The following ESRRG variants were observed in gnomAD, a reference collection of about 807,000 sequenced individuals.
ESRRG encodes the protein estrogen related receptor gamma, also known as estrogen-related receptor gamma.
Under a neutral mutation model 44.0 loss-of-function variants are expected in ESRRG, and 13 were observed. That is an observed-to-expected ratio of 0.30 (90% CI 0.19 to 0.47). ESRRG has a LOEUF of 0.47. Ranked by LOEUF, ESRRG falls within the 20% of genes least tolerant of loss-of-function variation. The pLI, the probability that ESRRG is intolerant of heterozygous loss-of-function variation, is 1.00. For missense variants in ESRRG, 395 were observed against 580.6 expected, an observed-to-expected ratio of 0.68 and a Z score of 3.29; for synonymous variants, 215 against 214.6, an observed-to-expected ratio of 1.00 and a Z score of -0.02.
At chr1:216,810,199 C>T (rs1422749382) in intron 2 of ESRRG, among the ~76,000 whole-genome samples, 5 of 152,280 alleles carry the variant, frequency 3.3e-5, no homozygotes, top group Non-Finnish European at 7.3e-5. Flanking sequence ...TTCCCCACAC[C>T]TGCACCAGAC....
At chr1:216,856,358 C>CACACACAA (rs1377877890) in intron 2 of ESRRG, among the ~76,000 whole-genome samples, 1 of 147,552 alleles carries the variant, frequency 6.8e-6, no homozygotes, top group Non-Finnish European at 1.5e-5. Context: ...CTTCAACACA[C>CACACACAA]ACACACACAC....
chr1:216,939,035 A>G (rs1437639861), intron 2 of ESRRG, among the ~76,000 whole-genome samples: 1 of 152,186 alleles, frequency 6.6e-6, no homozygotes, highest in Non-Finnish European at 1.5e-5. Context: ...TATCTCTAGA[A>G]AGAAATGGGT....
intron 1 of ESRRG, among the ~76,000 whole-genome samples, chr1:217,060,639 C>T (rs2088176392): frequency 1.3e-5 from 2 of 152,006 alleles, no homozygotes; most frequent in South Asian, 4.1e-4. Flanking sequence ...TAATAGAAAT[C>T]CACTCACTGT....
At chr1:216,820,418 CAT>C (rs1394711040) in intron 2 of ESRRG, among the ~76,000 whole-genome samples, 2 of 152,200 alleles carry the variant, frequency 1.3e-5, no homozygotes, top group Non-Finnish European at 2.9e-5. Flanking sequence ...AAAAATCAAA[CAT>C]AATGTCTTTG....
At chr1:216,733,277 G>T (rs1007534316) in intron 2 of ESRRG, among the ~76,000 whole-genome samples, 1 of 149,020 alleles carries the variant, frequency 6.7e-6, no homozygotes, top group African/African-American at 2.5e-5. Flanking sequence ...ACACTACCAG[G>T]TGCTTTGGGG....
intron 2 of ESRRG, among the ~76,000 whole-genome samples, chr1:216,817,682 T>C (rs2095181538): frequency 6.6e-6 from 1 of 152,212 alleles, no homozygotes; most frequent in Non-Finnish European, 1.5e-5. Context: ...ATATTCATCA[T>C]CCTGAAATAT....
chr1:216,665,022 T>C (rs1172149689), intron 2 of ESRRG, among the ~76,000 whole-genome samples: 1 of 152,214 alleles, frequency 6.6e-6, no homozygotes. Context: ...GGTCTATCCA[T>C]ACAGTGGAAT....
chr1:216,740,546 C>CA (rs1183199054), intron 2 of ESRRG, among the ~76,000 whole-genome samples: 1 of 149,866 alleles, frequency 6.7e-6, no homozygotes, highest in African/African-American at 2.5e-5. Context: ...ATCAGCCTGA[C>CA]AAAAAAAGCA....
intron 2 of ESRRG, among the ~76,000 whole-genome samples, chr1:216,891,787 G>A (rs1486055339): frequency 6.8e-6 from 1 of 147,748 alleles, no homozygotes; most frequent in African/African-American, 2.5e-5. Context: ...TCTTAGTGTG[G>A]TGCCCGCTTT....
At chr1:216,700,555 A>G (rs151091329) in intron 1 of ESRRG, among the ~76,000 whole-genome samples, 1 of 152,240 alleles carries the variant, frequency 6.6e-6, no homozygotes, top group African/African-American at 2.4e-5. Context: ...GGACTCTCGT[A>G]CTACTGGTAA....
At chr1:216,908,253 C>T (rs1450881483) in intron 2 of ESRRG, among the ~76,000 whole-genome samples, 1 of 152,164 alleles carries the variant, frequency 6.6e-6, no homozygotes, top group Non-Finnish European at 1.5e-5. Context: ...CTCCAGCTTT[C>T]CTGAGGGAAG....
At chr1:216,675,320 A>G (rs1430651019) in intron 2 of ESRRG, among the ~76,000 whole-genome samples, 2 of 151,822 alleles carry the variant, frequency 1.3e-5, no homozygotes, top group Non-Finnish European at 2.9e-5. Flanking sequence ...AGATCATGCC[A>G]TTGCCCTCTA....
intron 2 of ESRRG, among the ~76,000 whole-genome samples, chr1:216,850,715 C>A (rs2095829112): frequency 6.6e-6 from 1 of 151,954 alleles, no homozygotes; most frequent in Non-Finnish European, 1.5e-5. Flanking sequence ...AAATTAAACT[C>A]TTCCTGTGAT....
At position 217,046,487 on chromosome 1, in the gene ESRRG, C is replaced by T. The variant is rs543472958; in HGVS notation, c.-106+43020G>A. On this transcript the variant is annotated intron_variant, in intron 1 of 7. Transcript: ENST00000359162. ...AATCTTCTAATTATTTAGCTCCTAC[C>T]TACATTTATAGCTTCATCTCTCATC... 7.9e-5 allele frequency among the ~76,000 whole-genome samples: 12 copies of T among 152,274 alleles called. No homozygotes were observed. The East Asian group carries it at 2.3e-3, about 29-fold the overall frequency.
chr1:217,098,721 T>C (rs2092461053), intron 1 of ESRRG, among the ~76,000 whole-genome samples: 2 of 152,244 alleles, frequency 1.3e-5, no homozygotes, highest in Admixed American at 6.5e-5. Flanking sequence ...TTTCAAATTA[T>C]TTAATGTGCC....
chr1:217,094,311 T>G (rs1015642162), upstream of ESRRG, among the ~76,000 whole-genome samples: 1 of 152,242 alleles, frequency 6.6e-6, no homozygotes, highest in Non-Finnish European at 1.5e-5. Context: ...TAGACCTAAT[T>G]TGATATGAAT....
At chr1:216,688,934 G>A (rs1392038149) in intron 1 of ESRRG, among the ~76,000 whole-genome samples, 2 of 151,876 alleles carry the variant, frequency 1.3e-5, no homozygotes, top group Non-Finnish European at 2.9e-5. Flanking sequence ...AAATAGAAAT[G>A]GAAAACAATT....
At chr1:216,939,341 G>GAGAAAAAAAAAAA (rs1560188109) in intron 2 of ESRRG, among the ~76,000 whole-genome samples, 1 of 4,530 alleles carries the variant, frequency 2.2e-4, no homozygotes, top group Non-Finnish European at 4.8e-4. Context: ...CCTACACATA[G>GAGAAAAAAAAAAA]ACAAAAAAAA....
chr1:216,548,438 T>A (rs2055231771), intron 5 of ESRRG, among the ~76,000 whole-genome samples: 3 of 152,128 alleles, frequency 2.0e-5, no homozygotes, highest in African/African-American at 7.2e-5. Context: ...CTTCGATGAA[T>A]GATGTCCTTC....
Sources: gnomAD v4.1 joint callset for allele counts (sites outside exome capture counted in the v4.1 genomes callset) on GRCh38, gnomAD v4.1.1 for gene constraint, MANE v1.5 for transcripts, NCBI Gene and HGNC (gene_info 2026-07-23, HGNC 2026-07-21) for gene names.